FGF14: variants seen among roughly 807,000 people sequenced by gnomAD.
FGF14 encodes fibroblast growth factor homologous factor 4.
A neutral mutation model predicts 25.5 loss-of-function variants in FGF14; 5 were observed. That is an observed-to-expected ratio of 0.20 (90% CI 0.10 to 0.41). FGF14 has a LOEUF of 0.41. FGF14 is among the 10% of genes least tolerant of loss of function. The pLI is 1.00. For missense variants in FGF14, 222 were observed against 320.1 expected (o/e 0.69, Z 2.34); for synonymous variants, 138 against 118.3 (o/e 1.17, Z -1.08).
chr13:101,842,400 A>C (rs1247629495), intron 3 of FGF14, among the ~76,000 whole-genome samples: 1 of 152,040 alleles, frequency 6.6e-6, no homozygotes, highest in African/African-American at 2.4e-5. Flanking sequence ...TAGTTTTACA[A>C]ATGGCAAATG....
chr13:102,356,470 CAT>C (rs1264185036), intron 1 of FGF14, among the ~76,000 whole-genome samples: 1 of 152,212 alleles, frequency 6.6e-6, no homozygotes, highest in Non-Finnish European at 1.5e-5. Flanking sequence ...AGTGAAGGTT[CAT>C]ATGTCAGTCA....
chr13:101,908,870 A>T (rs997797406), intron 1 of FGF14, among the ~76,000 whole-genome samples: 11 of 152,256 alleles, frequency 7.2e-5, no homozygotes, highest in Non-Finnish European at 1.5e-4. Context: ...CCAAAACAGC[A>T]TGGTACTGGT....
chr13:101,962,170 G>A lies in FGF14; in HGVS notation c.209-86874C>T, dbSNP rs118025015. Among the ~76,000 whole-genome samples, 95 of 152,252 alleles carry A rather than the reference G, an allele frequency of 6.2e-4. No individual in the cohort carries two copies. In the East Asian group the frequency reaches 0.017, roughly 28 times the overall value. On this transcript the variant is annotated intron_variant, in intron 1 of 4. Transcript: ENST00000376131. ...CTTTGGGCATTATGGCCATTTTCAA[G>A]ATATTGATTCTTACTAACCATGAGC...
intron 3 of FGF14, among the ~76,000 whole-genome samples, chr13:101,844,087 A>C (rs1240308416): frequency 6.6e-6 from 1 of 152,010 alleles, no homozygotes; most frequent in East Asian, 1.9e-4. Flanking sequence ...CCTTTCAACT[A>C]CAAAAAGCCT....
Position 102,215,866 on chromosome 13 carries a change from C to T in FGF14, c.208+185605G>A, listed in dbSNP as rs1036697751. ...AGGCACACGTTTCCTCTTCTTAAAG[C>T]ACTCTTCTCATTCACTGATGAGTAG... On this transcript the variant is annotated intron_variant, in intron 1 of 4. Coordinates refer to the FGF14 transcript ENST00000376131. Among the ~76,000 whole-genome samples, 10 of 152,176 alleles carry T rather than the reference C, an allele frequency of 6.6e-5. No individual in the cohort carries two copies. The South Asian group carries it at 8.3e-4, about 13-fold the overall frequency.
intron 3 of FGF14, among the ~76,000 whole-genome samples, chr13:101,798,860 TGA>T (rs1458032832): frequency 2.0e-5 from 3 of 152,150 alleles, no homozygotes; most frequent in Non-Finnish European, 4.4e-5. Flanking sequence ...GCGTAAGCAG[TGA>T]GAAAGTCAGC....
intron 1 of FGF14, among the ~76,000 whole-genome samples, chr13:102,231,409 C>T (rs570677449): frequency 2.6e-5 from 4 of 152,102 alleles, no homozygotes; most frequent in South Asian, 4.2e-4. Context: ...GAGTTGGCTA[C>T]AAGAATAGGC....
intron 1 of FGF14, among the ~76,000 whole-genome samples, chr13:102,302,326 C>G (rs902176436): frequency 6.6e-6 from 1 of 152,100 alleles, no homozygotes; most frequent in African/African-American, 2.4e-5. Flanking sequence ...AAACACTCTT[C>G]CATGTGGCTT....
At chr13:102,163,999 T>C (rs2047893041) in intron 1 of FGF14, among the ~76,000 whole-genome samples, 1 of 152,162 alleles carries the variant, frequency 6.6e-6, no homozygotes, top group African/African-American at 2.4e-5. Flanking sequence ...TGTCCTCATG[T>C]CCTTCATGCA....
intron 1 of FGF14, among the ~76,000 whole-genome samples, chr13:102,063,185 C>A (rs1566637026): frequency 1.3e-5 from 2 of 152,120 alleles, no homozygotes; most frequent in East Asian, 3.9e-4. Context: ...GACTGTAGGA[C>A]AAAATTTAGA....
intron 1 of FGF14, among the ~76,000 whole-genome samples, chr13:102,099,009 A>C (rs1319242114): frequency 1.3e-5 from 2 of 152,188 alleles, no homozygotes; most frequent in African/African-American, 2.4e-5. Context: ...AGCAGGCAGG[A>C]AGGAAGCCTC....
chr13:102,155,525 A>T (rs553646397), intron 1 of FGF14, among the ~76,000 whole-genome samples: 4 of 152,352 alleles, frequency 2.6e-5, no homozygotes, highest in East Asian at 3.9e-4. Flanking sequence ...GTGTAGAGGG[A>T]AATTTATAGC....
chr13:101,743,863 T>C (rs1256631119), intron 3 of FGF14, among the ~76,000 whole-genome samples: 2 of 152,138 alleles, frequency 1.3e-5, no homozygotes, highest in Non-Finnish European at 2.9e-5. Context: ...CATATATAAT[T>C]GCATCAAGTA....
intron 1 of FGF14, among the ~76,000 whole-genome samples, chr13:101,915,325 C>T (rs2033357001): frequency 6.6e-6 from 1 of 152,196 alleles, no homozygotes; most frequent in Admixed American, 6.5e-5. Flanking sequence ...ATAGCTTATG[C>T]TTCTATCCCC....
rs565743113 is a variant in FGF14 at position 101,951,613 on chromosome 13, T to C, written c.209-76317A>G. Among the ~76,000 whole-genome samples, 7 of 150,828 alleles carry C rather than the reference T, an allele frequency of 4.6e-5. No individual in the cohort carries two copies. The East Asian group carries it at 1.3e-3, about 29-fold the overall frequency. ...GGGATGAATTTCAACATTATTTGTC[T>C]TGTTTATGACTACTTGAGCTTGTTG... is the stretch of plus-strand genomic sequence containing the variant. On this transcript the variant is annotated intron_variant, in intron 1 of 4. Transcript: ENST00000376131.
At chr13:101,873,030 A>G (rs1353224030) in intron 2 of FGF14, among the ~76,000 whole-genome samples, 2 of 110,888 alleles carry the variant, frequency 1.8e-5, no homozygotes, top group East Asian at 4.1e-4. Flanking sequence ...GATACAGAAG[A>G]AAAAAAAAAA....
intron 1 of FGF14, among the ~76,000 whole-genome samples, chr13:102,204,762 GTC>G (rs2049829761): frequency 6.6e-6 from 1 of 152,060 alleles, no homozygotes; most frequent in Non-Finnish European, 1.5e-5. Flanking sequence ...GGCCACGCTA[GTC>G]TCGAACTCCT....
chr13:102,182,379 G>A (rs1443466931), intron 1 of FGF14, among the ~76,000 whole-genome samples: 1 of 152,160 alleles, frequency 6.6e-6, no homozygotes, highest in East Asian at 1.9e-4. Context: ...TTAGCCCAGT[G>A]AGAACTGTGT....
intron 1 of FGF14, among the ~76,000 whole-genome samples, chr13:102,073,966 C>G (rs1441907781): frequency 4.6e-5 from 7 of 152,276 alleles, no homozygotes; most frequent in Middle Eastern, 6.8e-3. Flanking sequence ...TCTCTCTCTG[C>G]CCTTCCCAAC....
Sources: gnomAD v4.1 joint callset for allele counts (sites outside exome capture counted in the v4.1 genomes callset) on GRCh38, gnomAD v4.1.1 for gene constraint, MANE v1.5 for transcripts, NCBI Gene and HGNC (gene_info 2026-07-23, HGNC 2026-07-21) for gene names.